SORBS2: variants seen among roughly 807,000 people sequenced by gnomAD.
SORBS2 encodes the protein sorbin and SH3 domain-containing protein 2.
In SORBS2, 46 loss-of-function variants were observed where a neutral mutation model predicts 97.7. That is an observed-to-expected ratio of 0.47 (90% CI 0.37 to 0.60). The LOEUF (loss-of-function observed/expected upper bound fraction) is 0.60. Among genes scored for constraint, SORBS2 ranks in the 20% least tolerant of loss-of-function variants. SORBS2 has a pLI of 0.00. For missense variants in SORBS2, 1,316 were observed against 1,282.3 expected (o/e 1.03, Z -0.40); for synonymous variants, 476 against 473.4 (o/e 1.01, Z -0.07).
chr4:185,921,042 G>A (rs1579503858), intron 1 of SORBS2, among the ~76,000 whole-genome samples: 1 of 152,198 alleles, frequency 6.6e-6, no homozygotes, highest in South Asian at 2.1e-4. Context: ...GCTGGGCGGG[G>A]AATGCTGATA....
intron 1 of SORBS2, among the ~76,000 whole-genome samples, chr4:185,864,719 T>C (rs1025004423): frequency 2.6e-5 from 4 of 152,082 alleles, no homozygotes; most frequent in African/African-American, 9.7e-5. Flanking sequence ...GAGACCAGCC[T>C]GGCCAACATG....
intron 1 of SORBS2, among the ~76,000 whole-genome samples, chr4:185,842,272 C>T (rs1321806876): frequency 2.6e-5 from 4 of 152,248 alleles, no homozygotes; most frequent in South Asian, 4.1e-4. Flanking sequence ...AAGCTCTAGT[C>T]ATGTAAAGAT....
chr4:185,874,606 T>C (rs542991288), intron 1 of SORBS2, among the ~76,000 whole-genome samples: 2 of 152,352 alleles, frequency 1.3e-5, no homozygotes, highest in Admixed American at 6.5e-5. Flanking sequence ...CAAGGCGTTT[T>C]CTAATGCCAT....
chr4:185,909,985 GAAAAAAA>G (rs142443290), intron 1 of SORBS2, among the ~76,000 whole-genome samples: 2 of 112,672 alleles, frequency 1.8e-5, no homozygotes, highest in African/African-American at 3.4e-5. Context: ...CTCCATCTCA[GAAAAAAA>G]AAAAAAAAAA....
intron 1 of SORBS2, among the ~76,000 whole-genome samples, chr4:185,854,503 T>C (rs531816617): frequency 6.6e-6 from 1 of 152,322 alleles, no homozygotes; most frequent in South Asian, 2.1e-4. Flanking sequence ...ATATGGGATA[T>C]TCTTAGCATT....
chr4:185,823,019 A>G (rs904445384), intron 1 of SORBS2, among the ~76,000 whole-genome samples: 7 of 152,226 alleles, frequency 4.6e-5, no homozygotes, highest in African/African-American at 1.7e-4. Context: ...AAGGTTTGAT[A>G]TCTCCACAGG....
At chr4:185,800,474 C>A (rs1423967832) in intron 1 of SORBS2, among the ~76,000 whole-genome samples, 1 of 152,130 alleles carries the variant, frequency 6.6e-6, no homozygotes, top group East Asian at 1.9e-4. Flanking sequence ...TCAATTCATT[C>A]CAGTGTCCCA....
At chr4:185,688,499 T>TAGAC (rs2098021000) in intron 2 of SORBS2, among the ~76,000 whole-genome samples, 4 of 134,032 alleles carry the variant, frequency 3.0e-5, no homozygotes, top group Admixed American at 2.9e-4. Context: ...TATTGATAGA[T>TAGAC]AGATAAATAG....
chr4:185,766,455 A>G (rs1281699754), intron 2 of SORBS2, among the ~76,000 whole-genome samples: 1 of 152,256 alleles, frequency 6.6e-6, no homozygotes, highest in Admixed American at 6.5e-5. Flanking sequence ...TGTGAAATAG[A>G]AAATACTGTA....
chr4:185,939,751 C>T (rs1263236680), intron 1 of SORBS2, among the ~76,000 whole-genome samples: 1 of 152,112 alleles, frequency 6.6e-6, no homozygotes, highest in African/African-American at 2.4e-5. Context: ...CTCACGTGAT[C>T]TGCCCGCCTC....
At chr4:185,645,814 T>C (rs1483182655) in intron 4 of SORBS2, 2 of 152,266 alleles carry the variant, frequency 1.3e-5, no homozygotes, top group East Asian at 3.9e-4. Context: ...ACTGTGGAGT[T>C]TCAAAGAAAA....
At chr4:185,720,096 C>T (rs1417894731) in intron 2 of SORBS2, among the ~76,000 whole-genome samples, 1 of 152,172 alleles carries the variant, frequency 6.6e-6, no homozygotes, top group East Asian at 1.9e-4. Flanking sequence ...GCCCTCTTGA[C>T]CACCAAGGGA....
rs2096760349 is a variant in SORBS2, at chr4:185,623,732, C to A, written c.1397G>T (p.Gly466Val). The A allele has an allele frequency of 1.2e-6, 2 of 1,613,994 alleles. No homozygotes were observed. Among genetic ancestry groups the A allele is most frequent in the Non-Finnish European group, 1.7e-6 (2 of 1,180,028 alleles). ...GCCTCGCCGGCCCCGAGCGGGGGGG[C>A]CGCTTTGATTTTCTTCCTCCAGCAA... The change falls in exon 7 of 15, where the codon GGC becomes GTC. Residue 466 changes from glycine to valine, a missense_variant. By Grantham distance (109) the Gly-to-Val change is moderately radical. Coordinates refer to ENST00000418609, the Ensembl canonical transcript of SORBS2. The surrounding 1 kb of genome is among the most constrained non-coding windows in gnomAD (Gnocchi z 6.4).
chr4:185,872,361 C>T (rs920670199), intron 1 of SORBS2, among the ~76,000 whole-genome samples: 25 of 152,214 alleles, frequency 1.6e-4, no homozygotes, highest in African/African-American at 5.8e-4. Flanking sequence ...GGGCAAACCA[C>T]ACGCATAGCC....
At chr4:185,803,960 A>C (rs2099142340) in intron 1 of SORBS2, among the ~76,000 whole-genome samples, 1 of 152,242 alleles carries the variant, frequency 6.6e-6, no homozygotes, top group African/African-American at 2.4e-5. Flanking sequence ...GACATAACTC[A>C]TATGTAGTTA....
intron 2 of SORBS2, among the ~76,000 whole-genome samples, chr4:185,712,028 T>C (rs1259258196): frequency 6.6e-6 from 1 of 152,178 alleles, no homozygotes; most frequent in Non-Finnish European, 1.5e-5. Context: ...CCTACTGATA[T>C]GAACAGAAGC....
chr4:185,673,294 T>C (rs2097745360), intron 4 of SORBS2, among the ~76,000 whole-genome samples: 1 of 152,192 alleles, frequency 6.6e-6, no homozygotes, highest in Admixed American at 6.5e-5. Flanking sequence ...ACTTACAAAT[T>C]TGTTAAGAAG....
At chr4:185,753,094 G>A (rs951583532) in intron 2 of SORBS2, among the ~76,000 whole-genome samples, 2 of 152,316 alleles carry the variant, frequency 1.3e-5, no homozygotes, top group East Asian at 1.9e-4. Flanking sequence ...GCTACAGCAC[G>A]TTAGCCATAA....
intron 1 of SORBS2, among the ~76,000 whole-genome samples, chr4:185,943,404 A>G (rs895891687): frequency 6.6e-6 from 1 of 152,252 alleles, no homozygotes; most frequent in Non-Finnish European, 1.5e-5. Context: ...GTGTGCCTCC[A>G]GATGTGATGG....
Sources: gnomAD v4.1 joint callset for allele counts (sites outside exome capture counted in the v4.1 genomes callset) on GRCh38, gnomAD v4.1.1 for gene constraint, Gnocchi (gnomAD v3.1) non-coding constraint, MANE v1.5 for transcripts, NCBI Gene and HGNC (gene_info 2026-07-23, HGNC 2026-07-21) for gene names.